Variants in PIP5K1B observed in about 807,000 individuals in gnomAD.
The protein encoded by PIP5K1B is phosphatidylinositol-4-phosphate 5-kinase type 1 beta, also known as phosphatidylinositol 4-phosphate 5-kinase type-1 beta.
PIP5K1B carries 42 observed loss-of-function variants against 67.0 expected under a neutral mutation model. The ratio of observed to expected loss-of-function variants is 0.63; its 90% confidence interval spans 0.49 to 0.81. The LOEUF (loss-of-function observed/expected upper bound fraction) is 0.81. Among genes scored for constraint, PIP5K1B ranks in the 30% least tolerant of loss-of-function variants. The pLI is 0.00. For synonymous variants in PIP5K1B, 214 were observed against 231.4 expected (o/e 0.92, Z 0.68); for missense variants, 459 against 646.3 (o/e 0.71, Z 3.14).
At chr9:68,963,772 A>G (rs1354279955) in intron 14 of PIP5K1B, among the ~76,000 whole-genome samples, 1 of 152,124 alleles carries the variant, frequency 6.6e-6, no homozygotes, top group African/African-American at 2.4e-5. Flanking sequence ...CCTGAGTTAA[A>G]TCACACAGCT....
chr9:68,919,334 A>G (rs1312868975), intron 9 of PIP5K1B, 145 bp from the exon 10 acceptor site: 3 of 546,320 alleles, frequency 5.5e-6, no homozygotes, highest in Non-Finnish European at 6.4e-6. Flanking sequence ...AAAGGAACAA[A>G]CAAAAAAAAA....
chr9:68,963,078 CATA>C, intron 14 of PIP5K1B: 1 of 440,924 alleles, frequency 2.3e-6, no homozygotes, highest in Non-Finnish European at 4.6e-6. Context: ...GATTATTACT[CATA>C]ATAACTTGAC....
intron 12 of PIP5K1B, among the ~76,000 whole-genome samples, chr9:68,929,937 T>C (rs1314351739): frequency 6.6e-6 from 1 of 152,248 alleles, no homozygotes; most frequent in Non-Finnish European, 1.5e-5. Context: ...CCCAAAGTGC[T>C]GGGATTACAG....
chr9:68,726,566 A>C (rs1828157846), intron 1 of PIP5K1B, among the ~76,000 whole-genome samples: 1 of 152,224 alleles, frequency 6.6e-6, no homozygotes, highest in South Asian at 2.1e-4. Flanking sequence ...TAAGCATGGC[A>C]GACTTGGTTA....
intron 14 of PIP5K1B, among the ~76,000 whole-genome samples, chr9:68,988,456 T>G (rs1587767447): frequency 2.9e-5 from 2 of 67,826 alleles, no homozygotes; most frequent in South Asian, 4.5e-4. Flanking sequence ...TTTTTTTTTT[T>G]TTTTTTTTTT....
intron 2 of PIP5K1B, among the ~76,000 whole-genome samples, chr9:68,809,513 A>G (rs75344433): frequency 3.3e-4 from 50 of 152,308 alleles, no homozygotes; most frequent in African/African-American, 1.2e-3. Flanking sequence ...ACTTACGATC[A>G]TAGGTGGAAG....
chr9:68,850,353 G>A (rs578180654), intron 4 of PIP5K1B, among the ~76,000 whole-genome samples: 12 of 152,274 alleles, frequency 7.9e-5, no homozygotes, highest in South Asian at 2.1e-4. Flanking sequence ...CAAGGTTTCC[G>A]AACCTCAGCA....
At chr9:68,722,338 G>T (rs1827929259) in intron 1 of PIP5K1B, among the ~76,000 whole-genome samples, 1 of 152,094 alleles carries the variant, frequency 6.6e-6, no homozygotes, top group African/African-American at 2.4e-5. Context: ...CTGAGTAGCT[G>T]GGATTACAGG....
At chr9:68,968,903 G>A (rs1163265597) in intron 14 of PIP5K1B, among the ~76,000 whole-genome samples, 1 of 151,992 alleles carries the variant, frequency 6.6e-6, no homozygotes, top group Non-Finnish European at 1.5e-5. Flanking sequence ...CCTGTGTCAT[G>A]CTGGGGGTTT....
At chr9:68,987,013 G>A (rs1830121446) in intron 14 of PIP5K1B, among the ~76,000 whole-genome samples, 1 of 152,214 alleles carries the variant, frequency 6.6e-6, no homozygotes, top group South Asian at 2.1e-4. Flanking sequence ...AGCACTTTGG[G>A]AGGCTGAGGC....
At chr9:68,975,132 G>C (rs1389460889) in intron 14 of PIP5K1B, among the ~76,000 whole-genome samples, 1 of 152,218 alleles carries the variant, frequency 6.6e-6, no homozygotes, top group Admixed American at 6.5e-5. Flanking sequence ...GCAGTGGCAC[G>C]ATCACAGCTC....
At chr9:68,802,217 GT>G (rs1832636447) in intron 2 of PIP5K1B, among the ~76,000 whole-genome samples, 7 of 152,182 alleles carry the variant, frequency 4.6e-5, no homozygotes, top group Non-Finnish European at 8.8e-5. Flanking sequence ...AGTTTTTCAT[GT>G]CAGTTTGATG....
At chr9:68,952,526 C>T (rs948977470) in intron 14 of PIP5K1B, among the ~76,000 whole-genome samples, 2 of 152,172 alleles carry the variant, frequency 1.3e-5, no homozygotes, top group Non-Finnish European at 2.9e-5. Flanking sequence ...TGGTGGAACA[C>T]ATTTTCCAGA....
intron 2 of PIP5K1B, among the ~76,000 whole-genome samples, chr9:68,784,844 T>C (rs983300270): frequency 1.3e-5 from 2 of 152,158 alleles, no homozygotes; most frequent in African/African-American, 4.8e-5. Flanking sequence ...GGCAAAGATA[T>C]CCATAAATGT....
intron 12 of PIP5K1B, among the ~76,000 whole-genome samples, chr9:68,933,264 T>C (rs1827094138): frequency 6.7e-6 from 1 of 148,760 alleles, no homozygotes; most frequent in Admixed American, 6.9e-5. Flanking sequence ...GTTCAGCACA[T>C]GTATCCCAGA....
At chr9:68,746,832 A>G (rs1032468906) in intron 2 of PIP5K1B, among the ~76,000 whole-genome samples, 12 of 152,314 alleles carry the variant, frequency 7.9e-5, no homozygotes, top group East Asian at 1.9e-4. Context: ...TCTATCTTGC[A>G]TGGTACACAG....
intron 3 of PIP5K1B, among the ~76,000 whole-genome samples, chr9:68,819,676 A>C (rs1185976509): frequency 6.6e-6 from 1 of 152,220 alleles, no homozygotes; most frequent in Non-Finnish European, 1.5e-5. Context: ...CTAAGAAGAA[A>C]CAGTAGTCAT....
In PIP5K1B at chr9:68,711,402, A is replaced by G. The variant is rs539505065; in HGVS notation, c.-243+5640A>G. 2.6e-5 allele frequency among the ~76,000 whole-genome samples: 4 copies of G among 152,380 alleles called. No homozygotes were observed. In the South Asian group the frequency reaches 8.3e-4, roughly 32 times the overall value. ...CGACCTCCTTGAGGGAGTAGTAAGC[A>G]CATCATAGGTGTTCAGCAAATATTT... is the stretch of plus-strand genomic sequence containing the variant. On this transcript the variant is annotated intron_variant, in intron 1 of 15. Coordinates refer to ENST00000265382, the MANE Select transcript of PIP5K1B (RefSeq NM_003558.4).
Position 68,780,849 on chromosome 9 carries a change from G to C in PIP5K1B, c.-85-37612G>C. ...CATCACCAACATGCTTTCTTCTGACGTTGCACAGCTGTCAGATCCTGGTGT... is the reference window on the plus strand; with the variant it reads ...CATCACCAACATGCTTTCTTCTGACCTTGCACAGCTGTCAGATCCTGGTGT... On this transcript the variant is annotated intron_variant, in intron 2 of 15. Coordinates refer to ENST00000265382, the MANE Select transcript of PIP5K1B (RefSeq NM_003558.4). 1 of 1,614,182 alleles carries C rather than the reference G, an allele frequency of 6.2e-7. No homozygotes were observed. The highest frequency in any genetic ancestry group is 1.1e-5 in the South Asian group (1 of 91,088).
Sources: gnomAD v4.1 joint callset for allele counts (sites outside exome capture counted in the v4.1 genomes callset) on GRCh38, gnomAD v4.1.1 for gene constraint, MANE v1.5 for transcripts, NCBI Gene and HGNC (gene_info 2026-07-23, HGNC 2026-07-21) for gene names.